MTF1: variants seen among roughly 807,000 people sequenced by gnomAD.
The protein encoded by MTF1 is metal regulatory transcription factor 1.
A neutral mutation model predicts 70.4 loss-of-function variants in MTF1; 22 were observed. The ratio of observed to expected loss-of-function variants is 0.31; its 90% CI spans 0.22 to 0.45. The LOEUF (loss-of-function observed/expected upper bound fraction) is 0.45. Ranked by LOEUF, MTF1 falls within the 20% of genes least tolerant of loss-of-function variation. MTF1 has a pLI of 1.00. For synonymous variants in MTF1, 333 were observed against 352.8 expected (o/e 0.94, Z 0.63); for missense variants, 649 against 922.0 (o/e 0.70, Z 3.83).
rs1464272730 is a variant in MTF1, at chr1:37,840,483, G to A, written c.409-325C>T. Reference sequence around the variant, plus strand: ...GTTACAGCTACCTGTATTCAGATAAGATCTTAACTTTGTTTTAAGGCTTGA... The same window carrying A: ...GTTACAGCTACCTGTATTCAGATAAAATCTTAACTTTGTTTTAAGGCTTGA... On this transcript the variant is annotated intron_variant, in intron 2 of 10. Coordinates refer to ENST00000373036, the MANE Select transcript of MTF1 (RefSeq NM_005955.3). This position sits in a 1 kb window ranked among gnomAD's most constrained non-coding sequence, Gnocchi z 4.5. 3 of 481,612 alleles carry A rather than the reference G, an allele frequency of 6.2e-6. No individual in the cohort carries two copies. The highest frequency in any genetic ancestry group is 1.2e-5 in the Non-Finnish European group (3 of 244,142). 29.8% of individuals were successfully genotyped at this position (481,612 alleles called of 1,614,324 possible). A position where few individuals can be genotyped will look rare whatever the true frequency, so the allele number is the denominator to read the frequency against.
At chr1:37,848,639 C>T (rs1641368357) in intron 2 of MTF1, among the ~76,000 whole-genome samples, 1 of 152,166 alleles carries the variant, frequency 6.6e-6, no homozygotes, top group Non-Finnish European at 1.5e-5. Flanking sequence ...CCAGTCTAGT[C>T]CCTTTTCCAG....
chr1:37,830,204 A>G lies in MTF1; in HGVS notation c.1068+2041T>C, dbSNP rs546864541. Among the ~76,000 whole-genome samples the G allele has an allele frequency of 1.2e-3, 187 of 152,360 alleles. 3 individuals are homozygous for G. The highest frequency in any genetic ancestry group is 3.6e-3 in the African/African-American group (149 of 41,590). The stretch of plus-strand genomic sequence containing the variant: ...AAATTTCTTTTAGAACATTAGTTGT[A>G]AAATAGGAATATGCATAAAAGTCAT... On this transcript the variant is annotated intron_variant, in intron 7 of 10. Transcript: ENST00000373036.
chr1:37,815,659 C>T lies in MTF1; in HGVS notation c.1832-93G>A. On this transcript the variant is annotated intron_variant, in intron 10 of 10. Transcript: ENST00000373036. The surrounding 1 kb of genome is among the most constrained non-coding windows in gnomAD (Gnocchi z 4.5). Reference sequence around the variant, plus strand: ...ACATGGACTAGGTGAGAGCAGAGTGCCATGGGAACCATGGGAAGGATGGTT... The same window carrying T: ...ACATGGACTAGGTGAGAGCAGAGTGTCATGGGAACCATGGGAAGGATGGTT... The T allele has an allele frequency of 3.3e-6, 3 of 898,936 alleles. No individual in the cohort carries two copies. The highest frequency in any genetic ancestry group is 4.1e-5 in the South Asian group (2 of 48,256). 55.7% of individuals were successfully genotyped at this position (898,936 alleles called of 1,614,324 possible).
Position 37,815,647 on chromosome 1 carries a change from G to A in MTF1, c.1832-81C>T. 1 of 1,133,714 alleles carries A rather than the reference G, an allele frequency of 8.8e-7. No individual in the cohort carries two copies. The highest frequency in any genetic ancestry group is 1.3e-6 in the Non-Finnish European group (1 of 795,232). 70.2% of individuals were successfully genotyped at this position (1,133,714 alleles called of 1,614,324 possible). On this transcript the variant is annotated intron_variant, in intron 10 of 10. Coordinates refer to ENST00000373036, the MANE Select transcript of MTF1 (RefSeq NM_005955.3). This position sits in a 1 kb window ranked among gnomAD's most constrained non-coding sequence, Gnocchi z 4.5. The stretch of plus-strand genomic sequence containing the variant: ...AGGGACAGGGATACATGGACTAGGT[G>A]AGAGCAGAGTGCCATGGGAACCATG...
In MTF1 at chr1:37,830,391, T is replaced by C. The variant is rs897284340; in HGVS notation, c.1068+1854A>G. 2.0e-5 allele frequency among the ~76,000 whole-genome samples: 3 copies of C among 152,238 alleles called. No homozygotes were observed. In the East Asian group the frequency reaches 5.8e-4, roughly 29 times the overall value. On this transcript the variant is annotated intron_variant, in intron 7 of 10. Transcript: ENST00000373036. The stretch of plus-strand genomic sequence containing the variant: ...ATATTTTTCCGTTTTAGATTTCCAT[T>C]TGGTACACTTTTTACGGTTTCTATT...
intron 1 of MTF1, among the ~76,000 whole-genome samples, chr1:37,859,138 C>T (rs1303118240): frequency 6.6e-6 from 1 of 152,164 alleles, no homozygotes; most frequent in African/African-American, 2.4e-5. Flanking sequence ...CAGTGGGCTG[C>T]CCCGGCACCC....
At chr1:37,837,209 C>A (rs778001868) in intron 4 of MTF1, among the ~76,000 whole-genome samples, 1 of 152,014 alleles carries the variant, frequency 6.6e-6, no homozygotes, top group Non-Finnish European at 1.5e-5. Flanking sequence ...CACACGCATG[C>A]GCCACCACTC....
rs760390056 is a variant in MTF1, at chr1:37,823,738, C to T, written c.1143G>A (p.Thr381=). 60 of 1,613,780 alleles carry T rather than the reference C, an allele frequency of 3.7e-5. No individual in the cohort carries two copies. Among genetic ancestry groups the T allele is most frequent in the Middle Eastern group, 1.6e-4 (1 of 6,084 alleles). Residue 381 remains threonine (T), a synonymous_variant, in exon 8 of 11, where the codon ACG becomes ACA. Transcript: ENST00000373036. ...FESMFQNSDD[T]AIQEDPQQTA... Reference sequence around the variant, plus strand: ...TCTGTTGAGGATCTTCCTGAATTGCCGTATCATCTGAATTCTGGAACATTG... The same window carrying T: ...TCTGTTGAGGATCTTCCTGAATTGCTGTATCATCTGAATTCTGGAACATTG...
At chr1:37,835,002 T>G in intron 6 of MTF1, 77 bp downstream of exon 6, 1 of 1,502,028 alleles carries the variant, frequency 6.7e-7, no homozygotes, top group Non-Finnish European at 9.2e-7. Flanking sequence ...AGAAGACATT[T>G]TAACCTTTGA....
intron 6 of MTF1, chr1:37,834,586 T>C (rs1413135979): frequency 8.8e-6 from 4 of 455,418 alleles, no homozygotes; most frequent in Middle Eastern, 6.5e-4. Context: ...GGACAGTCTA[T>C]TGTGGAGTGG....
intron 7 of MTF1, among the ~76,000 whole-genome samples, chr1:37,827,689 A>G (rs1641025094): frequency 6.6e-6 from 1 of 152,174 alleles, no homozygotes; most frequent in Non-Finnish European, 1.5e-5. Context: ...TACAGGTGTG[A>G]GCCACCACGA....
chr1:37,837,648 G>T (rs547256000), intron 4 of MTF1, among the ~76,000 whole-genome samples: 2 of 152,094 alleles, frequency 1.3e-5, no homozygotes, highest in Non-Finnish European at 2.9e-5. Flanking sequence ...TGGGACTATA[G>T]GCATGTGACA....
chr1:37,827,339 A>G (rs577477604), intron 7 of MTF1, among the ~76,000 whole-genome samples: 538 of 70,852 alleles, frequency 7.6e-3, no homozygotes, highest in East Asian at 0.015. Context: ...CATAGTTGTT[A>G]TTATTATTAT....
rs1346635031 is a variant in MTF1 at position 37,835,843 on chromosome 1, A to C, written c.780-99T>G. 9.3e-5 allele frequency: 93 copies of C among 1,002,384 alleles called. 2 individuals carry two copies. The highest frequency in any genetic ancestry group is 7.2e-4 in the Middle Eastern group (3 of 4,178). 62.1% of individuals were successfully genotyped at this position (1,002,384 alleles called of 1,614,324 possible). On this transcript the variant is annotated intron_variant, in intron 4 of 10. Transcript: ENST00000373036. ...TGAGATCGAGTCTCGCTCTGTCCCC[A>C]AGGCTGGAGTGCAGTGGCGCAATCT...
intron 2 of MTF1, among the ~76,000 whole-genome samples, chr1:37,851,610 T>G (rs1641419086): frequency 6.6e-6 from 1 of 152,228 alleles, no homozygotes; most frequent in Admixed American, 6.5e-5. Context: ...GTTTTCTTCC[T>G]TCTTAGCTGT....
rs780148775 is a variant in MTF1, at chr1:37,835,117, G to A, written c.952C>T (p.His318Tyr). ...TGTTGTGGAAGTGCATTGTATGAGT[G>A]TCCTTTGTTATCATGACCTTTCATG... ...SHMKGHDNKGHSYNALPQHNG... is the reference protein window; with the variant it reads ...SHMKGHDNKGYSYNALPQHNG... Residue 318 changes from histidine to tyrosine, a missense_variant, in exon 6 of 11, where the codon CAC becomes TAC. Around this residue, in one of 7 missense-constraint regions of MTF1, gnomAD observed 267 missense variants for 292.1 expected, o/e 0.91. Coordinates refer to ENST00000373036, the MANE Select transcript of MTF1 (RefSeq NM_005955.3). The A allele has an allele frequency of 1.3e-5, 21 of 1,613,986 alleles. No homozygotes were observed. In the East Asian group the frequency reaches 4.2e-4, roughly 33 times the overall value.
chr1:37,838,333 T>C (rs937606390), intron 4 of MTF1, among the ~76,000 whole-genome samples: 4 of 152,192 alleles, frequency 2.6e-5, no homozygotes, highest in African/African-American at 4.8e-5. Context: ...AGTATTTCTC[T>C]AGCACTAATA....
chr1:37,822,663 G>T lies in MTF1; in HGVS notation c.1225C>A (p.Pro409Thr). Residue 409 changes from proline (P) to threonine (T), a missense_variant, in exon 9 of 11, where the codon CCA (proline) becomes ACA (threonine). By Grantham distance (38) the Pro-to-Thr change is conservative (BLOSUM62 -1). This residue lies in a region of MTF1 where 267 missense variants were observed against 292.1 expected (regional missense o/e 0.91). Coordinates refer to ENST00000373036, the MANE Select transcript of MTF1 (RefSeq NM_005955.3). ...AAAGATGCTGAATTTCCTGTGGATG[G>T]CGGAACATCACTGACTGACTCTGCA... ...GDAESVSDVP[P>T]STGNSASLSL... 6.2e-7 allele frequency: 1 copy of T among 1,613,698 alleles called. No homozygotes were observed. Among genetic ancestry groups the T allele is most frequent in the Non-Finnish European group, 8.5e-7 (1 of 1,179,996 alleles).
At chr1:37,828,173 TA>T (rs554470681) in intron 7 of MTF1, 14,368 of 309,634 alleles carry the variant, frequency 0.046, 84 homozygotes, top group African/African-American at 0.1. Flanking sequence ...ATAAAAGCAT[TA>T]AAAAAAAAAA....
Sources: allele counts gnomAD v4.1 joint callset (sites outside exome capture counted in the v4.1 genomes callset), GRCh38; gene constraint gnomAD v4.1.1; regional missense constraint gnomAD v4.1.1; non-coding constraint Gnocchi (gnomAD v3.1); transcripts MANE v1.5; gene names NCBI Gene and HGNC (gene_info 2026-07-23, HGNC 2026-07-21).